Variants in MGST2 observed in about 807,000 individuals in gnomAD.
MGST2 encodes the protein glutathione peroxidase MGST2.
A neutral mutation model predicts 16.6 loss-of-function variants in MGST2; 9 were observed. That is an observed-to-expected ratio of 0.54 (90% CI 0.33 to 0.95). The LOEUF is 0.95. Among genes scored for constraint, MGST2 ranks in the 40% least tolerant of loss-of-function variants. The probability of loss-of-function intolerance (pLI) is 0.03; values close to 1 mark genes in which losing one functional copy is unlikely to be tolerated. For synonymous variants in MGST2, 79 were observed against 68.0 expected (o/e 1.16, Z -0.79); for missense variants, 159 against 175.1 (o/e 0.91, Z 0.52).
chr4:139,736,209 G>A (rs1728939776), intron 5 of MGST2, among the ~76,000 whole-genome samples: 2 of 151,990 alleles, frequency 1.3e-5, no homozygotes, highest in African/African-American at 2.4e-5. Context: ...CTGGGATTTC[G>A]ACGAAATTGT....
At chr4:139,673,643 G>A (rs1418042961) in intron 1 of MGST2, among the ~76,000 whole-genome samples, 2 of 152,064 alleles carry the variant, frequency 1.3e-5, no homozygotes, top group African/African-American at 2.4e-5. Flanking sequence ...CAAACTCCTG[G>A]GCTCAAGCAG....
chr4:139,737,932 T>C (rs370862644), intron 5 of MGST2, among the ~76,000 whole-genome samples: 1 of 152,206 alleles, frequency 6.6e-6, no homozygotes, highest in Non-Finnish European at 1.5e-5. Context: ...ATGATTGAGT[T>C]TGAGGCAGAG....
chr4:139,737,307 T>C (rs572912201), intron 5 of MGST2, among the ~76,000 whole-genome samples: 1 of 151,542 alleles, frequency 6.6e-6, no homozygotes, highest in African/African-American at 2.4e-5. Context: ...TTTAACTCAT[T>C]TTGTTGATTT....
At chr4:139,679,650 A>G (rs1390329083) in intron 2 of MGST2, among the ~76,000 whole-genome samples, 2 of 152,182 alleles carry the variant, frequency 1.3e-5, no homozygotes, top group Non-Finnish European at 1.5e-5. Context: ...AGATGATAAC[A>G]TTGGTCTCTT....
At chr4:139,739,016 A>G (rs1729062429) in intron 5 of MGST2, among the ~76,000 whole-genome samples, 1 of 152,312 alleles carries the variant, frequency 6.6e-6, no homozygotes, top group Non-Finnish European at 1.5e-5. Context: ...CCTTCCTGGC[A>G]AGGCTTTTAA....
intron 5 of MGST2, among the ~76,000 whole-genome samples, chr4:139,726,682 T>C (rs1728485195): frequency 6.6e-6 from 1 of 151,790 alleles, no homozygotes; most frequent in African/African-American, 2.4e-5. Context: ...CATCTCTACA[T>C]GTAAACTATT....
chr4:139,710,284 G>A (rs1167438901), intron 5 of MGST2, among the ~76,000 whole-genome samples: 1 of 152,188 alleles, frequency 6.6e-6, no homozygotes, highest in Non-Finnish European at 1.5e-5. Context: ...CTCACTGGGG[G>A]CAGATGTCTA....
downstream of MGST2, among the ~76,000 whole-genome samples, chr4:139,742,617 G>A (rs1407266177): frequency 6.6e-6 from 1 of 152,128 alleles, no homozygotes; most frequent in Admixed American, 6.5e-5. Context: ...AGATTTTGTT[G>A]GTTCTTAACG....
intron 2 of MGST2, among the ~76,000 whole-genome samples, chr4:139,690,589 G>A (rs1046768535): frequency 1.3e-5 from 2 of 152,180 alleles, no homozygotes; most frequent in Non-Finnish European, 2.9e-5. Flanking sequence ...CTGGTCCTAT[G>A]TGGGAGCTCC....
chr4:139,732,902 A>G (rs767905592), intron 5 of MGST2, among the ~76,000 whole-genome samples: 18 of 152,316 alleles, frequency 1.2e-4, no homozygotes, highest in South Asian at 4.1e-4. Context: ...TATTTTCTCT[A>G]TAAATACACA....
downstream of MGST2, among the ~76,000 whole-genome samples, chr4:139,745,595 C>T (rs1400436655): frequency 6.6e-6 from 1 of 152,176 alleles, no homozygotes; most frequent in East Asian, 1.9e-4. Context: ...TGGGATCCCA[C>T]CTCCTCCCAC....
At chr4:139,708,369 T>C (rs1727600664), downstream of MGST2, among the ~76,000 whole-genome samples, 1 of 152,224 alleles carries the variant, frequency 6.6e-6, no homozygotes, top group African/African-American at 2.4e-5. Flanking sequence ...GATCAGATGG[T>C]TGTAGATATG....
chr4:139,735,166 A>G lies in MGST2; in HGVS notation c.*49-5046A>G, dbSNP rs1016984633. Among the ~76,000 whole-genome samples, 8 of 152,250 alleles carry G rather than the reference A, an allele frequency of 5.3e-5. No individual in the cohort carries two copies. The highest frequency in any genetic ancestry group is 4.1e-4 in the South Asian group (2 of 4,834). ...TACAGCAGGTAGCCTGGCAACTGAG[A>G]GCACAATACCGAGCAGATGGTGTTC... is the stretch of plus-strand genomic sequence containing the variant. On this transcript the variant is annotated intron_variant, in intron 5 of 5. Transcript: ENST00000616265. The surrounding 1 kb of genome is among the most constrained non-coding windows in gnomAD (Gnocchi z 5.8).
intron 2 of MGST2, among the ~76,000 whole-genome samples, chr4:139,694,875 A>T (rs181276117): frequency 9.2e-5 from 14 of 152,368 alleles, no homozygotes; most frequent in Admixed American, 2.6e-4. Flanking sequence ...TCTCTTGAAT[A>T]TGAATTGAGT....
At chr4:139,745,863 G>T in the MGST2 span, among the ~76,000 whole-genome samples, 1 of 152,152 alleles carries the variant, frequency 6.6e-6, no homozygotes, top group African/African-American at 2.4e-5. Context: ...ATACATCCTG[G>T]GGATGGAGGA....
intron 5 of MGST2, among the ~76,000 whole-genome samples, chr4:139,714,710 AAGAG>A (rs1224873616): frequency 6.6e-6 from 1 of 152,158 alleles, no homozygotes; most frequent in Admixed American, 6.5e-5. Context: ...ATAGAAAAGA[AAGAG>A]AAAGGAGAGA....
downstream of MGST2, among the ~76,000 whole-genome samples, chr4:139,744,845 C>T (rs1437682863): frequency 6.6e-6 from 1 of 152,186 alleles, no homozygotes; most frequent in African/African-American, 2.4e-5. Flanking sequence ...TTCCATAGAG[C>T]CAGGCTGACC....
At chr4:139,674,378 T>C (rs946771849) in intron 1 of MGST2, among the ~76,000 whole-genome samples, 22 of 152,290 alleles carry the variant, frequency 1.4e-4, no homozygotes, top group African/African-American at 5.1e-4. Flanking sequence ...TATGTATTTG[T>C]CTCAAGTGAG....
chr4:139,729,304 C>T (rs755492466), intron 5 of MGST2, among the ~76,000 whole-genome samples: 1 of 151,926 alleles, frequency 6.6e-6, no homozygotes, highest in Non-Finnish European at 1.5e-5. Context: ...ACAGGATACA[C>T]GGTGGTGGAT....
Sources: allele counts gnomAD v4.1 joint callset (sites outside exome capture counted in the v4.1 genomes callset), GRCh38; gene constraint gnomAD v4.1.1; non-coding constraint Gnocchi (gnomAD v3.1); transcripts MANE v1.5; gene names NCBI Gene and HGNC (gene_info 2026-07-23, HGNC 2026-07-21).